Variants in ZFHX3 observed in about 807,000 individuals in gnomAD.
ZFHX3 encodes the protein zinc finger homeobox protein 3.
In ZFHX3, 42 loss-of-function variants were observed where a neutral mutation model predicts 279.1. The observed-to-expected ratio is 0.15, with a 90% CI of 0.12 to 0.19. The LOEUF is 0.19. ZFHX3 is among the 10% of genes least tolerant of loss of function. The pLI is 1.00. For missense variants in ZFHX3, 4,981 were observed against 4,754.0 expected, an observed-to-expected ratio of 1.05 and a Z score of -1.40; for synonymous variants, 2,293 against 1,957.8, an observed-to-expected ratio of 1.17 and a Z score of -4.52.
In ZFHX3 at chr16:73,199,931, C is replaced by A. The variant is rs1968232038; in HGVS notation, c.-1103-56100G>T. 3.3e-5 allele frequency among the ~76,000 whole-genome samples: 5 copies of A among 152,160 alleles called. No homozygotes were observed. In the South Asian group the frequency reaches 6.2e-4, roughly 19 times the overall value. On this transcript the variant is annotated intron_variant, in intron 5 of 17. Transcript: ENST00000641206. ...AAAAAAAAGAAAGCCTATGAAGTAA[C>A]CTGAAAGCTGGTAACATTGGATTTA... is the stretch of plus-strand genomic sequence containing the variant.
chr16:72,897,013 T>A (rs1280714262), intron 3 of ZFHX3, among the ~76,000 whole-genome samples: 2 of 152,220 alleles, frequency 1.3e-5, no homozygotes, highest in Non-Finnish European at 2.9e-5. Flanking sequence ...GCAGCCCCTC[T>A]GAGCCAGGGG....
chr16:73,840,227 A>G (rs1961267378), intron 1 of ZFHX3, among the ~76,000 whole-genome samples: 2 of 152,138 alleles, frequency 1.3e-5, no homozygotes, highest in Non-Finnish European at 2.9e-5. Flanking sequence ...ATGGGGAGAA[A>G]GGAAAACAGC....
At chr16:73,259,808 C>A (rs972683046) in intron 4 of ZFHX3, among the ~76,000 whole-genome samples, 1 of 152,098 alleles carries the variant, frequency 6.6e-6, no homozygotes, top group Admixed American at 6.5e-5. Context: ...TATATGCACA[C>A]GCATTATTTT....
chr16:73,531,223 C>T (rs745361932), intron 2 of ZFHX3, among the ~76,000 whole-genome samples: 2 of 152,164 alleles, frequency 1.3e-5, no homozygotes, highest in African/African-American at 2.4e-5. Context: ...CCCTCAGTGC[C>T]GCTAAATATA....
rs1003754477 is a variant in ZFHX3, at chr16:72,788,133, C to T, written c.10143G>A (p.Arg3381=). 8 of 1,596,638 alleles carry T rather than the reference C, an allele frequency of 5.0e-6. No homozygotes were observed. In the African/African-American group the frequency reaches 8.0e-5, roughly 16 times the overall value. Residue 3381 remains arginine (R), a synonymous_variant, in exon 10 of 10, where the codon CGG becomes CGA. Coordinates refer to ENST00000268489, the MANE Select transcript of ZFHX3 (RefSeq NM_006885.4). ...LQEAIQQQQQ[R]QLQQQQQQKV... is the part of the protein sequence containing the mutation. Reference sequence around the variant, plus strand: ...TTTGCTGCTGCTGCTGCTGTAGTTGCCGCTGCTGCTGCTGCTGAATTGCCT... The same window carrying T: ...TTTGCTGCTGCTGCTGCTGTAGTTGTCGCTGCTGCTGCTGCTGAATTGCCT...
intron 4 of ZFHX3, among the ~76,000 whole-genome samples, chr16:73,316,032 T>G (rs531769475): frequency 5.9e-5 from 9 of 152,310 alleles, no homozygotes; most frequent in African/African-American, 1.7e-4. Flanking sequence ...TGGCCCGCAC[T>G]GGCCAGACCA....
intron 2 of ZFHX3, among the ~76,000 whole-genome samples, chr16:73,476,850 A>C (rs1049276399): frequency 6.6e-6 from 1 of 152,224 alleles, no homozygotes; most frequent in Non-Finnish European, 1.5e-5. Context: ...CTTCTTTAGA[A>C]TGAACTTTCA....
intron 1 of ZFHX3, among the ~76,000 whole-genome samples, chr16:72,994,812 C>G (rs1328581970): frequency 6.6e-6 from 1 of 152,216 alleles, no homozygotes; most frequent in Non-Finnish European, 1.5e-5. Flanking sequence ...GGGGGTGTTT[C>G]CTAAAATTAT....
intron 5 of ZFHX3, among the ~76,000 whole-genome samples, chr16:73,204,643 C>T (rs1392856742): frequency 6.6e-6 from 1 of 152,164 alleles, no homozygotes; most frequent in African/African-American, 2.4e-5. Flanking sequence ...TGGACTGGTA[C>T]CAGTCCCTGA....
intron 1 of ZFHX3, among the ~76,000 whole-genome samples, chr16:73,821,731 T>TG (rs1960745793): frequency 6.6e-6 from 1 of 152,354 alleles, no homozygotes; most frequent in African/African-American, 2.4e-5. Flanking sequence ...GCAGCCATGC[T>TG]GAACACATGC....
At chr16:73,705,742 C>T (rs1480914742) in intron 1 of ZFHX3, among the ~76,000 whole-genome samples, 1 of 152,188 alleles carries the variant, frequency 6.6e-6, no homozygotes, top group African/African-American at 2.4e-5. Context: ...CAAATCATTA[C>T]TCTTTCTATC....
At chr16:73,211,863 A>T (rs2012031188) in intron 5 of ZFHX3, among the ~76,000 whole-genome samples, 1 of 152,058 alleles carries the variant, frequency 6.6e-6, no homozygotes, top group Admixed American at 6.6e-5. Flanking sequence ...GCAAGTGAGT[A>T]GTGGGCCTCG....
intron 2 of ZFHX3, among the ~76,000 whole-genome samples, chr16:73,468,720 T>G (rs1465835785): frequency 6.6e-6 from 1 of 152,046 alleles, no homozygotes; most frequent in Non-Finnish European, 1.5e-5. Context: ...AAAATTATAC[T>G]ACTATGAAAA....
At chr16:73,719,787 C>T (rs1164809091) in intron 1 of ZFHX3, among the ~76,000 whole-genome samples, 1 of 49,000 alleles carries the variant, frequency 2.0e-5, no homozygotes, top group Non-Finnish European at 7.2e-5. Context: ...GCATGCACCA[C>T]CAAGCCCAGC....
At chr16:73,264,121 C>T (rs1479114201) in intron 4 of ZFHX3, among the ~76,000 whole-genome samples, 1 of 152,178 alleles carries the variant, frequency 6.6e-6, no homozygotes, top group Admixed American at 6.5e-5. Flanking sequence ...GAGCTGAGAT[C>T]ATACCACTGC....
chr16:73,651,716 G>A lies in ZFHX3; in HGVS notation c.-1547+28464C>T, dbSNP rs569317010. Among the ~76,000 whole-genome samples the A allele has an allele frequency of 4.1e-5, 6 of 147,148 alleles. 1 individual carries two copies. The highest frequency in any genetic ancestry group is 2.2e-4 in the South Asian group (1 of 4,548). On this transcript the variant is annotated intron_variant, in intron 2 of 17. Coordinates refer to the ZFHX3 transcript ENST00000641206. ...AAAAAAAAAAAAAAAAAAGCCGGGC[G>A]TGGTGGCAGGCTCCTGTAGTCCCAG... is the stretch of plus-strand genomic sequence containing the variant.
At chr16:72,915,561 C>A (rs865786424) in intron 3 of ZFHX3, among the ~76,000 whole-genome samples, 1 of 152,112 alleles carries the variant, frequency 6.6e-6, no homozygotes, top group Non-Finnish European at 1.5e-5. Flanking sequence ...GAAGTCGAGA[C>A]CAGCCTGGGC....
intron 3 of ZFHX3, among the ~76,000 whole-genome samples, chr16:73,321,885 A>G (rs1337539542): frequency 6.6e-6 from 1 of 152,136 alleles, no homozygotes; most frequent in Non-Finnish European, 1.5e-5. Context: ...GAAAGAGGGA[A>G]ACCTTCTGGT....
intron 1 of ZFHX3, among the ~76,000 whole-genome samples, chr16:72,976,513 G>A (rs1962353639): frequency 6.6e-6 from 1 of 152,150 alleles, no homozygotes; most frequent in African/African-American, 2.4e-5. Context: ...AACATACACA[G>A]CGCGTCCCTC....
Sources: allele counts gnomAD v4.1 joint callset (sites outside exome capture counted in the v4.1 genomes callset), GRCh38; gene constraint gnomAD v4.1.1; transcripts MANE v1.5; gene names NCBI Gene and HGNC (gene_info 2026-07-23, HGNC 2026-07-21).